The following HIBCH variants were observed in gnomAD, a reference collection of about 807,000 sequenced individuals.
HIBCH encodes the protein 3-hydroxyisobutyryl-CoA hydrolase.
HIBCH carries 50 observed loss-of-function variants against 58.2 expected under a neutral mutation model. That is an observed-to-expected ratio of 0.86 (90% CI 0.68 to 1.09). The LOEUF (loss-of-function observed/expected upper bound fraction) is 1.09. Ranked by LOEUF, HIBCH falls within the 50% of genes least tolerant of loss-of-function variation. The pLI is 0.00. For synonymous variants in HIBCH, 151 were observed against 146.9 expected (o/e 1.03, Z -0.20); for missense variants, 450 against 449.7 (o/e 1.00, Z -0.01).
chr2:190,313,712 A>C (rs1468445069), intron 1 of HIBCH, among the ~76,000 whole-genome samples: 2 of 151,018 alleles, frequency 1.3e-5, no homozygotes, highest in East Asian at 3.9e-4. Context: ...GGTCACACCC[A>C]AGACCAATTA....
At position 190,208,949 on chromosome 2, in the gene HIBCH, T is replaced by A. The variant is rs1207106429; in HGVS notation, c.1012-36A>T. The A allele has an allele frequency of 2.5e-6, 4 of 1,592,682 alleles. No individual in the cohort carries two copies. The African/African-American group carries it at 4.0e-5, about 16-fold the overall frequency. ...ATTGAGATTAAATGGGGATAATTTC[T>A]GGGTGTCCTTATTCTGGGTTATTTT... On this transcript the variant is annotated intron_variant, in intron 12 of 13. Coordinates refer to ENST00000359678, the MANE Select transcript of HIBCH (RefSeq NM_014362.4).
chr2:190,319,460 T>G (rs1411749436), intron 1 of HIBCH, among the ~76,000 whole-genome samples: 1 of 151,868 alleles, frequency 6.6e-6, no homozygotes, highest in Non-Finnish European at 1.5e-5. Context: ...AGAATTAAAG[T>G]CGTGTGGGGA....
chr2:190,319,049 T>C (rs1688779890), intron 1 of HIBCH, among the ~76,000 whole-genome samples: 1 of 152,096 alleles, frequency 6.6e-6, no homozygotes, highest in Admixed American at 6.5e-5. Flanking sequence ...TCCCTTCAAG[T>C]GGGCGCAGCT....
At chr2:190,256,123 T>G (rs557508625) in intron 7 of HIBCH, among the ~76,000 whole-genome samples, 8 of 152,200 alleles carry the variant, frequency 5.3e-5, no homozygotes, top group African/African-American at 1.4e-4. Context: ...AGGGAGACAC[T>G]GCGTCCATGA....
intron 4 of HIBCH, among the ~76,000 whole-genome samples, chr2:190,292,078 G>A (rs1328920174): frequency 6.6e-6 from 1 of 152,084 alleles, no homozygotes; most frequent in African/African-American, 2.4e-5. Context: ...CACCTCCCAG[G>A]TTGAAGTGAT....
In HIBCH at chr2:190,279,332, G is replaced by C. The variant is rs972463933; in HGVS notation, c.438+8254C>G. Among the ~76,000 whole-genome samples, 1 of 152,048 alleles carries C rather than the reference G, an allele frequency of 6.6e-6. No individual in the cohort carries two copies. The highest frequency in any genetic ancestry group is 6.6e-5 in the Admixed American group (1 of 15,264). On this transcript the variant is annotated intron_variant, in intron 6 of 13. Transcript: ENST00000359678. This position sits in a 1 kb window ranked among gnomAD's most constrained non-coding sequence, Gnocchi z 4.2. Reference sequence around the variant, plus strand: ...TTCGGTGGGGACAAATATTCAAACCGTAGCATTCCATCCCTGACCTCCCAA... The same window carrying C: ...TTCGGTGGGGACAAATATTCAAACCCTAGCATTCCATCCCTGACCTCCCAA...
chr2:190,299,054 T>C (rs992139710), intron 2 of HIBCH, among the ~76,000 whole-genome samples: 38 of 152,106 alleles, frequency 2.5e-4, no homozygotes, highest in African/African-American at 9.2e-4. Flanking sequence ...GGCACCACCA[T>C]TCTTAACACA....
chr2:190,249,117 A>G (rs1436118405), intron 9 of HIBCH, among the ~76,000 whole-genome samples: 1 of 152,110 alleles, frequency 6.6e-6, no homozygotes, highest in Middle Eastern at 3.2e-3. Flanking sequence ...TTGTGGGTTT[A>G]TGCCTTTTCT....
At chr2:190,242,648 C>A (rs907809793) in intron 11 of HIBCH, among the ~76,000 whole-genome samples, 1 of 151,978 alleles carries the variant, frequency 6.6e-6, no homozygotes, top group Non-Finnish European at 1.5e-5. Context: ...TTGCTGAAGA[C>A]AAAGGGAATA....
At chr2:190,212,854 G>T in intron 12 of HIBCH, 102 bp downstream of exon 12, 2 of 1,033,686 alleles carry the variant, frequency 1.9e-6, no homozygotes, top group Non-Finnish European at 2.9e-6. Flanking sequence ...TTTACAGGTG[G>T]TTTTAATTTT....
intron 1 of HIBCH, among the ~76,000 whole-genome samples, chr2:190,196,314 C>CTATCT (rs1466841806): frequency 6.6e-6 from 1 of 152,040 alleles, no homozygotes; most frequent in Non-Finnish European, 1.5e-5. Flanking sequence ...TTCACTAATC[C>CTATCT]TATCTTTTCC....
At chr2:190,274,636 A>C (rs1019756545) in intron 6 of HIBCH, among the ~76,000 whole-genome samples, 1 of 152,216 alleles carries the variant, frequency 6.6e-6, no homozygotes, top group Non-Finnish European at 1.5e-5. Context: ...CCAACAAGAG[A>C]AAAACAGTTT....
At position 190,304,548 on chromosome 2, in the gene HIBCH, T is replaced by C. The variant is rs1183649123; in HGVS notation, c.78+6206A>G. 6.6e-6 allele frequency among the ~76,000 whole-genome samples: 1 copy of C among 152,184 alleles called. No individual in the cohort carries two copies. Among genetic ancestry groups the C allele is most frequent in the Admixed American group, 6.5e-5 (1 of 15,278 alleles). The stretch of plus-strand genomic sequence containing the variant: ...ACCTCCCAAAGGCCTTACCTTTCAA[T>C]ACATCCACACTGGGGGTTAAATTTC... On this transcript the variant is annotated intron_variant, in intron 2 of 13. Transcript: ENST00000359678. This position sits in a 1 kb window ranked among gnomAD's most constrained non-coding sequence, Gnocchi z 4.1.
intron 3 of HIBCH, among the ~76,000 whole-genome samples, chr2:190,295,470 G>A (rs291453): frequency 0.56 from 85,079 of 152,074 alleles, 24,712 homozygotes; most frequent in South Asian, 0.6. Context: ...TTTTGACTGC[G>A]AGCAATCATG....
chr2:190,263,480 G>C (rs1687149903), intron 6 of HIBCH, among the ~76,000 whole-genome samples: 1 of 152,044 alleles, frequency 6.6e-6, no homozygotes, highest in East Asian at 1.9e-4. Flanking sequence ...ATAATTAGAT[G>C]TCATCCTTCT....
intron 2 of HIBCH, among the ~76,000 whole-genome samples, chr2:190,299,747 G>T (rs1688212417): frequency 6.6e-6 from 1 of 151,972 alleles, no homozygotes; most frequent in Non-Finnish European, 1.5e-5. Flanking sequence ...ATGTCGTGGG[G>T]GTTTGTTGTA....
In HIBCH at chr2:190,305,346, G is replaced by A. The variant is rs540167533; in HGVS notation, c.78+5408C>T. Among the ~76,000 whole-genome samples, 4 of 152,188 alleles carry A rather than the reference G, an allele frequency of 2.6e-5. No homozygotes were observed. In the South Asian group the frequency reaches 8.3e-4, roughly 32 times the overall value. ...AAGTCTAAAATCAAGGGGTCAGCAG[G>A]GCAATGCTCCTGCTGAAGGTGCTAG... On this transcript the variant is annotated intron_variant, in intron 2 of 13. Coordinates refer to ENST00000359678, the MANE Select transcript of HIBCH (RefSeq NM_014362.4).
At position 190,211,593 on chromosome 2, in the gene HIBCH, T is replaced by G. The variant is rs1269838033; in HGVS notation, c.1011+1363A>C. ...CTCATCCTTTAGGTCACAAATGAAG[T>G]GACATCACAAAGATGTCTTCCCTGA... On this transcript the variant is annotated intron_variant, in intron 12 of 13. Transcript: ENST00000359678. The surrounding 1 kb of genome is among the most constrained non-coding windows in gnomAD (Gnocchi z 5.0). Among the ~76,000 whole-genome samples, 1 of 152,232 alleles carries G rather than the reference T, an allele frequency of 6.6e-6. No homozygotes were observed. The highest frequency in any genetic ancestry group is 1.9e-4 in the East Asian group (1 of 5,198).
chr2:190,284,689 A>G (rs1487125969), intron 6 of HIBCH, among the ~76,000 whole-genome samples: 1 of 152,234 alleles, frequency 6.6e-6, no homozygotes, highest in African/African-American at 2.4e-5. Flanking sequence ...AAATCTGTAT[A>G]TAACGTATAT....
Sources: gnomAD v4.1 joint callset for allele counts (sites outside exome capture counted in the v4.1 genomes callset) on GRCh38, gnomAD v4.1.1 for gene constraint, Gnocchi (gnomAD v3.1) non-coding constraint, MANE v1.5 for transcripts, NCBI Gene and HGNC (gene_info 2026-07-23, HGNC 2026-07-21) for gene names.